The following ADI1 variants were observed in gnomAD, a reference collection of about 807,000 sequenced individuals.
ADI1 encodes the protein acireductone dioxygenase.
A neutral mutation model predicts 18.7 loss-of-function variants in ADI1; 21 were observed. The observed-to-expected ratio is 1.13, with a 90% CI of 0.80 to 1.62. The LOEUF is 1.62. Among genes scored for constraint, ADI1 ranks in the 40% most tolerant of loss-of-function variants. The pLI, the probability that ADI1 is intolerant of heterozygous loss-of-function variation, is 0.00. For missense variants in ADI1, 245 were observed against 254.9 expected (o/e 0.96, Z 0.26); for synonymous variants, 90 against 100.1 (o/e 0.90, Z 0.60).
chr2:3,501,260 C>A (rs1441777223), intron 2 of ADI1, among the ~76,000 whole-genome samples: 1 of 152,146 alleles, frequency 6.6e-6, no homozygotes. Context: ...TCACACAGGC[C>A]AACTCACCCA....
At chr2:3,500,787 C>G in intron 3 of ADI1, 27 bp downstream of exon 3, 1 of 1,612,894 alleles carries the variant, frequency 6.2e-7, no homozygotes, top group Non-Finnish European at 8.5e-7. Context: ...ACAGGCCGGG[C>G]CTGGGGAGAA....
chr2:3,519,374 G>A lies in ADI1; in HGVS notation c.114C>T (p.Tyr38=). 1 of 1,432,730 alleles carries A rather than the reference G, an allele frequency of 7.0e-7. No homozygotes were observed. Among genetic ancestry groups the A allele is most frequent in the South Asian group, 1.4e-5 (1 of 70,374 alleles). 88.8% of individuals were successfully genotyped at this position (1,432,730 alleles called of 1,614,324 possible). Residue 38 remains tyrosine (Y), a synonymous_variant, in exon 1 of 4, where the codon TAC becomes TAT. Transcript: ENST00000327435. The part of the protein sequence containing the change: ...LEQLRRLGVL[Y]WKLDADKYEN... Reference sequence around the variant, plus strand: ...GAGGCTTGGGCTCGCGTACCTTCCAGTAGAGCACCCCGAGCCGCCGCAGCT... The same window carrying A: ...GAGGCTTGGGCTCGCGTACCTTCCAATAGAGCACCCCGAGCCGCCGCAGCT...
chr2:3,513,552 C>G (rs935990890), intron 2 of ADI1, among the ~76,000 whole-genome samples: 1 of 152,182 alleles, frequency 6.6e-6, no homozygotes, highest in African/African-American at 2.4e-5. Context: ...ACCTTGCTCT[C>G]TCTTTCATTC....
Position 3,498,939 on chromosome 2 carries a change from C to T in ADI1, c.*24G>A, listed in dbSNP as rs759752630. On this transcript the variant is annotated 3_prime_UTR_variant, in exon 4 of 4. Transcript: ENST00000327435. Reference sequence around the variant, plus strand: ...TTACATTGGGGACCTTTACGAGGCACGTGTTAGTTCCCAGGCAGCACTGCT... The same window carrying T: ...TTACATTGGGGACCTTTACGAGGCATGTGTTAGTTCCCAGGCAGCACTGCT... The T allele has an allele frequency of 6.9e-6, 11 of 1,591,722 alleles. No individual in the cohort carries two copies. Among genetic ancestry groups the T allele is most frequent in the Admixed American group, 3.4e-5 (2 of 58,616 alleles).
At chr2:3,500,767 G>A (rs778206299) in intron 3 of ADI1, 47 bp downstream of exon 3, 7 of 1,611,186 alleles carry the variant, frequency 4.3e-6, no homozygotes, top group African/African-American at 4.0e-5. Context: ...GCCACGGCCA[G>A]GGCCACCACA....
chr2:3,505,071 G>T (rs1001853717), intron 2 of ADI1, among the ~76,000 whole-genome samples: 4 of 152,198 alleles, frequency 2.6e-5, no homozygotes, highest in African/African-American at 7.2e-5. Flanking sequence ...TGGTTCACCT[G>T]TGTATGTCTG....
chr2:3,519,389 C>T lies in ADI1; in HGVS notation c.99G>A (p.Arg33=), dbSNP rs989988739. 9.1e-6 allele frequency: 13 copies of T among 1,427,204 alleles called. No individual in the cohort carries two copies. Among genetic ancestry groups the T allele is most frequent in the South Asian group, 1.4e-5 (1 of 69,284 alleles). 88.4% of individuals were successfully genotyped at this position (1,427,204 alleles called of 1,614,324 possible). ...GTACCTTCCAGTAGAGCACCCCGAGCCGCCGCAGCTGCTCCAGGCCCACTG... is the reference window on the plus strand; with the variant it reads ...GTACCTTCCAGTAGAGCACCCCGAGTCGCCGCAGCTGCTCCAGGCCCACTG... The part of the protein sequence containing the change: ...GRPVGLEQLR[R]LGVLYWKLDA... The change falls in exon 1 of 4, where the codon CGG becomes CGA. Residue 33 remains arginine, a synonymous_variant. Transcript: ENST00000327435.
At chr2:3,499,380 G>A (rs750838242) in intron 3 of ADI1, among the ~76,000 whole-genome samples, 2 of 152,106 alleles carry the variant, frequency 1.3e-5, no homozygotes, top group Non-Finnish European at 2.9e-5. Context: ...AAAAGCACTG[G>A]CTCCAACCCC....
At chr2:3,504,714 C>G (rs1667133880) in intron 2 of ADI1, among the ~76,000 whole-genome samples, 1 of 151,636 alleles carries the variant, frequency 6.6e-6, no homozygotes, top group African/African-American at 2.4e-5. Context: ...TCTGTATTGT[C>G]TGTTCGCCTG....
intron 1 of ADI1, among the ~76,000 whole-genome samples, chr2:3,518,099 T>C (rs191532500): frequency 8.5e-5 from 13 of 152,190 alleles, no homozygotes; most frequent in African/African-American, 2.9e-4. Flanking sequence ...TGGAAAACTA[T>C]AAACCACTTG....
At chr2:3,512,298 A>T (rs10190395) in intron 2 of ADI1, among the ~76,000 whole-genome samples, 112,018 of 151,820 alleles carry the variant, frequency 0.74, 42,954 homozygotes, top group Non-Finnish European at 0.85. Context: ...TAGAGAAATC[A>T]GCATAACTTC....
chr2:3,514,987 G>A (rs1469892105), intron 1 of ADI1: 1 of 1,158,590 alleles, frequency 8.6e-7, no homozygotes, highest in African/African-American at 1.6e-5. Context: ...TTCGTAAGCT[G>A]AGGATGTATG....
Position 3,504,273 on chromosome 2 carries a change from G to A in ADI1, c.241-3280C>T, listed in dbSNP as rs915121161. Among the ~76,000 whole-genome samples the A allele has an allele frequency of 2.6e-5, 4 of 152,178 alleles. No individual in the cohort carries two copies. In the South Asian group the frequency reaches 6.2e-4, roughly 24 times the overall value. ...GGAAACCAGTGGCAATCACAAGATC[G>A]TCAGAAAATAAGGTTATTTTAGAAA... On this transcript the variant is annotated intron_variant, in intron 2 of 3. Coordinates refer to ENST00000327435, the MANE Select transcript of ADI1 (RefSeq NM_018269.4).
intron 2 of ADI1, among the ~76,000 whole-genome samples, chr2:3,504,352 T>C (rs1359350392): frequency 2.0e-5 from 3 of 152,196 alleles, no homozygotes; most frequent in African/African-American, 7.2e-5. Context: ...AGAGAAGTAA[T>C]TCCAGAAAAC....
At position 3,501,000 on chromosome 2, in the gene ADI1, C is replaced by G; in HGVS notation, c.241-7G>C. 1 of 1,587,140 alleles carries G rather than the reference C, an allele frequency of 6.3e-7. No homozygotes were observed. The highest frequency in any genetic ancestry group is 8.6e-7 in the Non-Finnish European group (1 of 1,165,276). On this transcript the variant is annotated splice_region_variant and splice_polypyrimidine_tract_variant and intron_variant, in intron 2 of 3. Coordinates refer to ENST00000327435, the MANE Select transcript of ADI1 (RefSeq NM_018269.4). ...CCTCGTAGAACATCTTAATCTAGTG[C>G]AGAAGGAACATTCCTGTGAGTCTAC...
chr2:3,516,561 T>G (rs1365208540), intron 1 of ADI1: 1 of 224,904 alleles, frequency 4.4e-6, no homozygotes, highest in Non-Finnish European at 7.2e-6. Context: ...AGCAAGGAAA[T>G]GGCCGTCTAT....
chr2:3,514,679 C>G, intron 1 of ADI1: 1 of 1,231,362 alleles, frequency 8.1e-7, no homozygotes, highest in Non-Finnish European at 1.1e-6. Flanking sequence ...ACTGTTCCTT[C>G]CTGACGAAGC....
At position 3,499,619 on chromosome 2, in the gene ADI1, T is replaced by C. The variant is rs73910576; in HGVS notation, c.421-537A>G. On this transcript the variant is annotated intron_variant, in intron 3 of 3. Transcript: ENST00000327435. ...GTAAGGGTATTTATTACAGCCCTGT[T>C]CACAAGAGCAAAAAATTGAGAACAA... 6.3e-3 allele frequency among the ~76,000 whole-genome samples: 963 copies of C among 152,326 alleles called. 6 individuals are homozygous for C. Among genetic ancestry groups the C allele is most frequent in the African/African-American group, 0.022 (927 of 41,566 alleles).
intron 2 of ADI1, among the ~76,000 whole-genome samples, chr2:3,508,981 G>A (rs1667236559): frequency 7.5e-6 from 1 of 132,510 alleles, no homozygotes; most frequent in Admixed American, 7.9e-5. Flanking sequence ...GGGAGAGAGG[G>A]CGGAAGGAAG....
Sources: allele counts gnomAD v4.1 joint callset (sites outside exome capture counted in the v4.1 genomes callset), GRCh38; gene constraint gnomAD v4.1.1; transcripts MANE v1.5; gene names NCBI Gene and HGNC (gene_info 2026-07-23, HGNC 2026-07-21).